ROBO2: variants seen among roughly 807,000 people sequenced by gnomAD.
ROBO2 encodes the protein roundabout guidance receptor 2.
Under a neutral mutation model 160.8 loss-of-function variants are expected in ROBO2, and 53 were observed. The observed-to-expected ratio is 0.33, with a 90% CI of 0.26 to 0.41. ROBO2 has a LOEUF of 0.41. Ranked by LOEUF, ROBO2 falls within the 10% of genes least tolerant of loss-of-function variation. ROBO2 has a pLI of 1.00. For missense variants in ROBO2, 1,577 were observed against 1,722.4 expected, an observed-to-expected ratio of 0.92 and a Z score of 1.49; for synonymous variants, 664 against 611.7, an observed-to-expected ratio of 1.09 and a Z score of -1.26.
At chr3:76,435,665 G>A (rs1342105108) in intron 2 of ROBO2, among the ~76,000 whole-genome samples, 4 of 152,016 alleles carry the variant, frequency 2.6e-5, no homozygotes, top group Admixed American at 1.3e-4. Context: ...CAACCATGCC[G>A]CCAGTCCATT....
intron 2 of ROBO2, among the ~76,000 whole-genome samples, chr3:77,329,327 A>T (rs2153440109): frequency 6.6e-6 from 1 of 152,310 alleles, no homozygotes; most frequent in East Asian, 1.9e-4. Context: ...GAACTTTGGA[A>T]ACTTCTGTTT....
chr3:76,997,109 C>A (rs2061059119), intron 2 of ROBO2, among the ~76,000 whole-genome samples: 1 of 152,058 alleles, frequency 6.6e-6, no homozygotes, highest in Admixed American at 6.6e-5. Context: ...ATATGCTACT[C>A]CATATTTTAC....
chr3:76,660,916 T>A (rs1164540550), intron 2 of ROBO2, among the ~76,000 whole-genome samples: 1 of 152,174 alleles, frequency 6.6e-6, no homozygotes, highest in East Asian at 1.9e-4. Flanking sequence ...GTAGCCTATA[T>A]ATCTATAGGT....
intron 6 of ROBO2, among the ~76,000 whole-genome samples, chr3:77,535,210 C>CTTTTTTT (rs59166969): frequency 7.0e-6 from 1 of 143,506 alleles, no homozygotes; most frequent in Non-Finnish European, 1.5e-5. Flanking sequence ...TTTTCTTTTT[C>CTTTTTTT]TTTTTTTTTT....
chr3:75,914,921 C>T (rs1351776303), intron 1 of ROBO2, among the ~76,000 whole-genome samples: 1 of 152,150 alleles, frequency 6.6e-6, no homozygotes, highest in Non-Finnish European at 1.5e-5. Flanking sequence ...TACATGTGGC[C>T]CTCATTAGCA....
chr3:77,163,518 C>A, intron 2 of ROBO2, among the ~76,000 whole-genome samples: 1 of 152,184 alleles, frequency 6.6e-6, no homozygotes, highest in East Asian at 1.9e-4. Context: ...TTTTTAAACT[C>A]TTTAATCACA....
chr3:77,550,935 G>T, exon 8 of ROBO2: 1 of 1,612,918 alleles, frequency 6.2e-7, no homozygotes, highest in Non-Finnish European at 8.5e-7. Flanking sequence ...CATCTGCCAG[G>T]CTTTAACTGT....
chr3:76,264,410 T>G (rs2107605330), intron 2 of ROBO2, among the ~76,000 whole-genome samples: 1 of 152,110 alleles, frequency 6.6e-6, no homozygotes, highest in African/African-American at 2.4e-5. Flanking sequence ...CTTTCCTCGT[T>G]ATTATAGCTC....
At chr3:77,460,724 T>C (rs1395227129) in intron 2 of ROBO2, among the ~76,000 whole-genome samples, 1 of 152,192 alleles carries the variant, frequency 6.6e-6, no homozygotes, top group Non-Finnish European at 1.5e-5. Flanking sequence ...ACTGTAGGAA[T>C]TTTCCACATA....
intron 2 of ROBO2, among the ~76,000 whole-genome samples, chr3:76,550,634 C>T (rs1027347829): frequency 1.3e-5 from 2 of 152,210 alleles, no homozygotes; most frequent in African/African-American, 2.4e-5. Flanking sequence ...GGCATCCCTG[C>T]ACTCTCAGGG....
At chr3:76,598,426 TACAC>T (rs1553822489) in intron 2 of ROBO2, among the ~76,000 whole-genome samples, 2 of 152,122 alleles carry the variant, frequency 1.3e-5, no homozygotes, top group Admixed American at 6.6e-5. Context: ...TAGAACTAAA[TACAC>T]ACACATGCAC....
chr3:76,872,886 A>G (rs958302927), intron 2 of ROBO2, among the ~76,000 whole-genome samples: 5 of 152,108 alleles, frequency 3.3e-5, no homozygotes, highest in Non-Finnish European at 7.4e-5. Flanking sequence ...GGGAGGAAAA[A>G]AAAATCACAT....
chr3:77,587,985 T>C (rs1198900958), intron 16 of ROBO2, among the ~76,000 whole-genome samples: 2 of 152,102 alleles, frequency 1.3e-5, no homozygotes, highest in African/African-American at 4.8e-5. Flanking sequence ...AGGCCTAAAT[T>C]TTCCAAACAT....
chr3:76,978,496 T>C (rs1157530420), intron 2 of ROBO2, among the ~76,000 whole-genome samples: 1 of 152,128 alleles, frequency 6.6e-6, no homozygotes, highest in Non-Finnish European at 1.5e-5. Context: ...TGCGATGGAT[T>C]CTTCTAAATA....
At chr3:77,070,343 G>A (rs1294691235) in intron 1 of ROBO2, among the ~76,000 whole-genome samples, 1 of 152,092 alleles carries the variant, frequency 6.6e-6, no homozygotes, top group African/African-American at 2.4e-5. Flanking sequence ...TGGCTTAGAT[G>A]TTCATTGGTT....
At chr3:76,375,657 C>T (rs537114125) in intron 2 of ROBO2, among the ~76,000 whole-genome samples, 1 of 151,778 alleles carries the variant, frequency 6.6e-6, no homozygotes, top group Non-Finnish European at 1.5e-5. Flanking sequence ...TAATGAGGCA[C>T]TTACATAACA....
At chr3:76,801,942 G>GGA (rs923765781) in intron 2 of ROBO2, among the ~76,000 whole-genome samples, 1 of 152,036 alleles carries the variant, frequency 6.6e-6, no homozygotes, top group Non-Finnish European at 1.5e-5. Context: ...GGAGGTCTGA[G>GGA]GAGAGAGAGA....
intron 5 of ROBO2, among the ~76,000 whole-genome samples, chr3:77,494,216 G>A (rs2086498904): frequency 6.6e-6 from 1 of 152,004 alleles, no homozygotes; most frequent in Non-Finnish European, 1.5e-5. Flanking sequence ...TAACCATCAT[G>A]CATTCTCCAA....
rs564281718 is a variant in ROBO2, at chr3:77,251,306, G to C, written c.388+152966G>C. Reference sequence around the variant, plus strand: ...AGGTTTTCAGCTTGTATCTTCTAGAGCCATGGGTCAAGCCACACACACCTG... The same window carrying C: ...AGGTTTTCAGCTTGTATCTTCTAGACCCATGGGTCAAGCCACACACACCTG... On this transcript the variant is annotated intron_variant, in intron 2 of 25. Coordinates refer to ENST00000461745, the Ensembl canonical transcript of ROBO2. 9.9e-5 allele frequency among the ~76,000 whole-genome samples: 15 copies of C among 152,218 alleles called. No homozygotes were observed. The East Asian group carries it at 2.3e-3, about 24-fold the overall frequency.
Sources: gnomAD v4.1 joint callset for allele counts (sites outside exome capture counted in the v4.1 genomes callset) on GRCh38, gnomAD v4.1.1 for gene constraint, MANE v1.5 for transcripts, NCBI Gene and HGNC (gene_info 2026-07-23, HGNC 2026-07-21) for gene names.